Variants in SCN8A observed in about 807,000 individuals in gnomAD.
The protein encoded by SCN8A is sodium channel protein type 8 subunit alpha.
In SCN8A, 30 loss-of-function variants were observed where a neutral mutation model predicts 184.1. The ratio of observed to expected loss-of-function variants is 0.16; its 90% CI spans 0.12 to 0.22. SCN8A has a LOEUF of 0.22. SCN8A is among the 10% of genes least tolerant of loss of function. SCN8A has a pLI of 1.00. For synonymous variants in SCN8A, 852 were observed against 907.0 expected (o/e 0.94, Z 1.09); for missense variants, 1,057 against 2,498.9 (o/e 0.42, Z 12.30).
chr12:51,790,591 G>A (rs1345692599), intron 25 of SCN8A, 89 bp downstream of exon 25: 2 of 825,478 alleles, frequency 2.4e-6, no homozygotes, highest in South Asian at 1.7e-5. Context: ...AAAAAGGTAA[G>A]TGATTGGCTG....
chr12:51,709,083 C>T (rs1008611201), intron 11 of SCN8A, among the ~76,000 whole-genome samples: 3 of 152,128 alleles, frequency 2.0e-5, no homozygotes, highest in African/African-American at 7.2e-5. Context: ...AATTTCTGAA[C>T]TGAAGCTTAA....
chr12:51,784,024 A>G (rs985872562), intron 21 of SCN8A, among the ~76,000 whole-genome samples: 3 of 152,238 alleles, frequency 2.0e-5, no homozygotes, highest in Admixed American at 2.0e-4. Flanking sequence ...GTAACTAGAG[A>G]ACTTGAGAAG....
chr12:51,795,246 C>T (rs182446762), intron 26 of SCN8A, among the ~76,000 whole-genome samples: 5 of 152,140 alleles, frequency 3.3e-5, no homozygotes, highest in Non-Finnish European at 5.9e-5. Flanking sequence ...AGGCATAACT[C>T]GAGTTGATCC....
chr12:51,648,317 C>T (rs1940636460), intron 1 of SCN8A, among the ~76,000 whole-genome samples: 1 of 152,206 alleles, frequency 6.6e-6, no homozygotes. Flanking sequence ...ACCCTCCTGC[C>T]TCAGCCTCCT....
At chr12:51,749,837 A>G (rs949187462) in intron 13 of SCN8A, among the ~76,000 whole-genome samples, 3 of 152,074 alleles carry the variant, frequency 2.0e-5, no homozygotes, top group African/African-American at 7.2e-5. Flanking sequence ...TTTTCCTTAA[A>G]TGATTTGATA....
chr12:51,664,482 A>T (rs1940992494), intron 2 of SCN8A, among the ~76,000 whole-genome samples: 1 of 152,096 alleles, frequency 6.6e-6, no homozygotes, highest in South Asian at 2.1e-4. Flanking sequence ...TGCTGGGATT[A>T]CAGGTGTGAG....
intron 2 of SCN8A, among the ~76,000 whole-genome samples, chr12:51,666,768 G>A (rs543901513): frequency 8.5e-5 from 13 of 152,176 alleles, no homozygotes; most frequent in African/African-American, 2.4e-4. Context: ...GTTTTAGCTC[G>A]GATTTCACAC....
intron 2 of SCN8A, among the ~76,000 whole-genome samples, chr12:51,666,043 C>G (rs1367244016): frequency 1.3e-5 from 2 of 152,080 alleles, no homozygotes; most frequent in East Asian, 1.9e-4. Flanking sequence ...GCCTGGGTGA[C>G]AGAGTGAGAG....
In SCN8A at chr12:51,783,340, A is replaced by G. The variant is rs73107242; in HGVS notation, c.3942+2569A>G. ...TTTATTCTTTGGTTTTGGTTCTTCT[A>G]TATGCCAACACTTGAGAGATTACCT... On this transcript the variant is annotated intron_variant, in intron 21 of 26. Coordinates refer to ENST00000627620, the MANE Select transcript of SCN8A (RefSeq NM_001330260.2). 3.9e-4 allele frequency among the ~76,000 whole-genome samples: 60 copies of G among 152,160 alleles called. No homozygotes were observed. In the South Asian group the frequency reaches 7.7e-3, roughly 19 times the overall value.
In SCN8A at chr12:51,625,200, A is replaced by C. The variant is rs548871117; in HGVS notation, c.-55+33841A>C. ...ATCTCCCTGTAGTCAAACACCTTCCACTGCAAACCCTGATAACTAGTAATC... is the reference window on the plus strand; with the variant it reads ...ATCTCCCTGTAGTCAAACACCTTCCCCTGCAAACCCTGATAACTAGTAATC... On this transcript the variant is annotated intron_variant, in intron 1 of 26. Transcript: ENST00000627620. Among the ~76,000 whole-genome samples, 4 of 152,330 alleles carry C rather than the reference A, an allele frequency of 2.6e-5. No homozygotes were observed. The South Asian group carries it at 8.3e-4, about 32-fold the overall frequency.
At chr12:51,685,237 T>A (rs941955930) in intron 3 of SCN8A, among the ~76,000 whole-genome samples, 3 of 152,126 alleles carry the variant, frequency 2.0e-5, no homozygotes, top group Non-Finnish European at 4.4e-5. Context: ...GAGTGTTTTT[T>A]CTCTTCTGGT....
chr12:51,619,384 T>A (rs1391164864), intron 1 of SCN8A, among the ~76,000 whole-genome samples: 1 of 152,214 alleles, frequency 6.6e-6, no homozygotes, highest in African/African-American at 2.4e-5. Context: ...TTCAATATCC[T>A]TGTATACATA....
At position 51,644,414 on chromosome 12, in the gene SCN8A, T is replaced by G. The variant is rs546571513; in HGVS notation, c.-54-18350T>G. Reference sequence around the variant, plus strand: ...CTACCTCAGAGGGTTGTTGGAAGCATCAAAAGAATTATATATAAAGCTATT... The same window carrying G: ...CTACCTCAGAGGGTTGTTGGAAGCAGCAAAAGAATTATATATAAAGCTATT... On this transcript the variant is annotated intron_variant, in intron 1 of 26. Coordinates refer to ENST00000627620, the MANE Select transcript of SCN8A (RefSeq NM_001330260.2). Among the ~76,000 whole-genome samples, 9 of 152,302 alleles carry G rather than the reference T, an allele frequency of 5.9e-5. No homozygotes were observed. The South Asian group carries it at 1.7e-3, about 28-fold the overall frequency.
Position 51,786,510 on chromosome 12 carries a change from C to G in SCN8A, c.3943-32C>G, listed in dbSNP as rs773173043. 1.9e-6 allele frequency: 3 copies of G among 1,613,452 alleles called. No individual in the cohort carries two copies. The South Asian group carries it at 3.3e-5, about 18-fold the overall frequency. On this transcript the variant is annotated intron_variant, in intron 21 of 26. Transcript: ENST00000627620. ...AAAATGTGCTTGCTCTCATTTCCACCCAACACTGAGCAACCTCCCCTTCCA... is the reference window on the plus strand; with the variant it reads ...AAAATGTGCTTGCTCTCATTTCCACGCAACACTGAGCAACCTCCCCTTCCA...
intron 11 of SCN8A, among the ~76,000 whole-genome samples, chr12:51,720,657 AG>A (rs1942038029): frequency 6.6e-6 from 1 of 152,060 alleles, no homozygotes; most frequent in Non-Finnish European, 1.5e-5. Context: ...ATGGGGTGGG[AG>A]GGGGCATATA....
chr12:51,644,652 G>A (rs561770861), intron 1 of SCN8A, among the ~76,000 whole-genome samples: 211 of 152,082 alleles, frequency 1.4e-3, no homozygotes, highest in Admixed American at 2.6e-3. Context: ...CTGCCCGGCC[G>A]CCACCCCGTC....
chr12:51,632,152 TAAGG>T (rs2138616510), intron 1 of SCN8A, among the ~76,000 whole-genome samples: 1 of 152,348 alleles, frequency 6.6e-6, no homozygotes, highest in South Asian at 2.1e-4. Context: ...CCTCCACTGA[TAAGG>T]AAGAATTTCT....
chr12:51,779,142 C>A (rs1231300222), intron 20 of SCN8A, among the ~76,000 whole-genome samples: 2 of 150,880 alleles, frequency 1.3e-5, no homozygotes, highest in Non-Finnish European at 2.9e-5. Flanking sequence ...ATTGCTTGAA[C>A]CCAGGAGGTG....
At chr12:51,789,508 T>C (rs747367148) in intron 24 of SCN8A, 90 bp downstream of exon 24, 11 of 1,362,502 alleles carry the variant, frequency 8.1e-6, no homozygotes, top group East Asian at 2.3e-5. Context: ...AATGTCCCTC[T>C]TTCTTTCTCT....
Sources: allele counts gnomAD v4.1 joint callset (sites outside exome capture counted in the v4.1 genomes callset), GRCh38; gene constraint gnomAD v4.1.1; transcripts MANE v1.5; gene names NCBI Gene and HGNC (gene_info 2026-07-23, HGNC 2026-07-21).